The following STEAP1B variants were observed in gnomAD, a reference collection of about 807,000 sequenced individuals.
The protein encoded by STEAP1B is STEAP family member 1B.
Under a neutral mutation model 27.9 loss-of-function variants are expected in STEAP1B, and 13 were observed. The ratio of observed to expected loss-of-function variants is 0.47; its 90% CI spans 0.30 to 0.74. The LOEUF (loss-of-function observed/expected upper bound fraction) is 0.74, where lower values mean the gene tolerates loss of function less well. STEAP1B is among the 30% of genes least tolerant of loss of function. STEAP1B has a pLI of 0.06. For synonymous variants in STEAP1B, 86 were observed against 107.1 expected, an observed-to-expected ratio of 0.80 and a Z score of 1.22; for missense variants, 250 against 298.7, an observed-to-expected ratio of 0.84 and a Z score of 1.20.
At chr7:22,438,530 T>A in intron 4 of STEAP1B, 1 of 1,551,314 alleles carries the variant, frequency 6.4e-7, no homozygotes, top group African/African-American at 1.4e-5. Flanking sequence ...TCTTTTTTAT[T>A]GAGATTTTCT....
intron 4 of STEAP1B, among the ~76,000 whole-genome samples, chr7:22,445,802 G>C (rs1280313928): frequency 6.6e-6 from 1 of 152,252 alleles, no homozygotes; most frequent in African/African-American, 2.4e-5. Context: ...GGGTAAATGA[G>C]GAGGCAGGAG....
intron 4 of STEAP1B, among the ~76,000 whole-genome samples, chr7:22,479,006 T>C (rs560807544): frequency 6.6e-6 from 1 of 152,228 alleles, no homozygotes; most frequent in South Asian, 2.1e-4. Flanking sequence ...GAGGCAGGCC[T>C]GGGAGGAGAA....
intron 4 of STEAP1B, among the ~76,000 whole-genome samples, chr7:22,456,686 A>C (rs1324315424): frequency 1.3e-5 from 2 of 151,998 alleles, no homozygotes; most frequent in African/African-American, 4.8e-5. Context: ...TGAGTCATGA[A>C]AAAAGGGAAA....
chr7:22,495,191 G>C (rs780742601), intron 1 of STEAP1B, among the ~76,000 whole-genome samples: 6 of 152,150 alleles, frequency 3.9e-5, no homozygotes, highest in Non-Finnish European at 7.3e-5. Context: ...TTTAACTTCA[G>C]GTTTCCATCT....
At chr7:22,492,970 T>C (rs1157515567) in intron 3 of STEAP1B, among the ~76,000 whole-genome samples, 3 of 152,234 alleles carry the variant, frequency 2.0e-5, no homozygotes. Context: ...TTTGATGGTT[T>C]ACTTGGATAG....
chr7:22,430,940 C>A (rs1486561779), intron 4 of STEAP1B, among the ~76,000 whole-genome samples: 1 of 152,344 alleles, frequency 6.6e-6, no homozygotes, highest in South Asian at 2.1e-4. Context: ...TTGGACTTGA[C>A]CCTGCTTTAG....
intron 2 of STEAP1B, among the ~76,000 whole-genome samples, chr7:22,494,233 T>C (rs1786397586): frequency 6.6e-6 from 1 of 150,618 alleles, no homozygotes; most frequent in South Asian, 2.1e-4. Flanking sequence ...CTGCCACTTT[T>C]TCAGTCAAAA....
chr7:22,443,223 C>T (rs1465753937), intron 4 of STEAP1B, among the ~76,000 whole-genome samples: 2 of 152,168 alleles, frequency 1.3e-5, no homozygotes, highest in Non-Finnish European at 2.9e-5. Context: ...TGCTTCCCAA[C>T]AACAAGAAAA....
At chr7:22,454,786 C>T (rs181613962) in intron 4 of STEAP1B, among the ~76,000 whole-genome samples, 26 of 121,162 alleles carry the variant, frequency 2.1e-4, no homozygotes, top group African/African-American at 7.9e-4. Flanking sequence ...CATCAGCAAC[C>T]TCACCTGACC....
intron 4 of STEAP1B, chr7:22,438,562 G>A: frequency 6.4e-7 from 1 of 1,552,114 alleles, no homozygotes; most frequent in Non-Finnish European, 8.7e-7. Context: ...AAACATGTGA[G>A]AGCTAACATT....
At chr7:22,481,067 G>T (rs73085122) in intron 4 of STEAP1B, among the ~76,000 whole-genome samples, 3 of 152,200 alleles carry the variant, frequency 2.0e-5, no homozygotes, top group Non-Finnish European at 4.4e-5. Context: ...GGCTCTGTGA[G>T]GGGAGGTCAC....
intron 4 of STEAP1B, among the ~76,000 whole-genome samples, chr7:22,439,760 A>C (rs1785304268): frequency 6.6e-6 from 1 of 152,258 alleles, no homozygotes; most frequent in Non-Finnish European, 1.5e-5. Flanking sequence ...AACTATCATC[A>C]TCAAAAATTA....
intron 4 of STEAP1B, among the ~76,000 whole-genome samples, chr7:22,475,552 C>T (rs1785956008): frequency 6.6e-6 from 1 of 152,190 alleles, no homozygotes; most frequent in Admixed American, 6.5e-5. Flanking sequence ...AAACTTTTTG[C>T]AGAGAAGGGG....
In STEAP1B at chr7:22,493,814, C is replaced by T. The variant is rs369358171; in HGVS notation, c.107G>A (p.Ser36Asn). The change falls in exon 3 of 5, where the codon AGC becomes AAC. Residue 36 changes from serine to asparagine, a missense_variant. Coordinates refer to ENST00000678116, the MANE Select transcript of STEAP1B (RefSeq NM_001382447.1). ...CAAAAGCACAGGTCTTTTTAGCATG[C>T]TGGTCTCTCCCGTGTCCTCATGCTA... ...DYLHEDTGET[S>N]MLKRPVLLHL... 5 of 1,611,402 alleles carry T rather than the reference C, an allele frequency of 3.1e-6. No homozygotes were observed. The highest frequency in any genetic ancestry group is 4.2e-6 in the Non-Finnish European group (5 of 1,178,732).
intron 4 of STEAP1B, among the ~76,000 whole-genome samples, chr7:22,438,983 A>G (rs1448791344): frequency 6.6e-6 from 1 of 152,230 alleles, no homozygotes; most frequent in African/African-American, 2.4e-5. Flanking sequence ...AAAACTAAGT[A>G]CTGAATTTCC....
intron 4 of STEAP1B, among the ~76,000 whole-genome samples, chr7:22,430,872 C>A (rs889147018): frequency 2.0e-5 from 3 of 152,218 alleles, no homozygotes; most frequent in Non-Finnish European, 2.9e-5. Context: ...ATCTGGTCTA[C>A]AACAGACATG....
chr7:22,450,247 G>C (rs1304493636), intron 4 of STEAP1B, among the ~76,000 whole-genome samples: 1 of 152,144 alleles, frequency 6.6e-6, no homozygotes. Flanking sequence ...AGAAACTTTT[G>C]CCCAGACCAA....
In STEAP1B at chr7:22,419,478, AT is replaced by A; in HGVS notation, c.*325del. 1 of 192,538 alleles carries A rather than the reference AT, an allele frequency of 5.2e-6. No homozygotes were observed. Among genetic ancestry groups the A allele is most frequent in the Non-Finnish European group, 1.1e-5 (1 of 94,376 alleles). The allele number at this position is 192,538 out of a possible 1,614,324, so 11.9% of individuals were successfully genotyped here. On this transcript the variant is annotated 3_prime_UTR_variant, in exon 5 of 5. Coordinates refer to ENST00000678116, the MANE Select transcript of STEAP1B (RefSeq NM_001382447.1). ...TAGAGTCTTTTAATGTTGTCAGAAT[AT>A]TTCCATCCAACACTTTATAAACACA...
At chr7:22,499,931 C>T (rs1786507080) in intron 1 of STEAP1B, among the ~76,000 whole-genome samples, 183 bp downstream of exon 1, 1 of 152,252 alleles carries the variant, frequency 6.6e-6, no homozygotes, top group Non-Finnish European at 1.5e-5. Flanking sequence ...ACAGGGCGCC[C>T]CAGAGCCGCG....
Sources: gnomAD v4.1 joint callset for allele counts (sites outside exome capture counted in the v4.1 genomes callset) on GRCh38, gnomAD v4.1.1 for gene constraint, MANE v1.5 for transcripts, NCBI Gene and HGNC (gene_info 2026-07-23, HGNC 2026-07-21) for gene names.